The following ITK variants were observed in gnomAD, a reference collection of about 807,000 sequenced individuals.
ITK encodes IL2 inducible T cell kinase, also known as tyrosine-protein kinase ITK/TSK.
In ITK, 45 loss-of-function variants were observed where a neutral mutation model predicts 87.6. The ratio of observed to expected loss-of-function variants is 0.51; its 90% CI spans 0.40 to 0.66. The LOEUF is 0.66. Among genes scored for constraint, ITK ranks in the 30% least tolerant of loss-of-function variants. ITK has a pLI of 0.00. For synonymous variants in ITK, 303 were observed against 273.6 expected (o/e 1.11, Z -1.06); for missense variants, 605 against 766.3 (o/e 0.79, Z 2.48).
Position 157,186,475 on chromosome 5 carries a change from G to A in ITK, c.138+5360G>A, listed in dbSNP as rs112383665. On this transcript the variant is annotated intron_variant, in intron 1 of 16. Transcript: ENST00000422843. ...GGATCACCTGAGGGCAGGAGTTCAC[G>A]AGCAGCCTGGCTAATATGGTAAAAC... Among the ~76,000 whole-genome samples the A allele has an allele frequency of 9.4e-4, 143 of 152,034 alleles. 2 individuals are homozygous for A. The highest frequency in any genetic ancestry group is 3.4e-3 in the African/African-American group (139 of 41,468).
At chr5:157,207,441 T>C (rs1477343469) in intron 1 of ITK, among the ~76,000 whole-genome samples, 1 of 127,532 alleles carries the variant, frequency 7.8e-6, no homozygotes, top group Non-Finnish European at 1.6e-5. Context: ...AGTGCAATGG[T>C]GCGGTCTCCA....
Position 157,245,766 on chromosome 5 carries a change from A to G in ITK, c.1490A>G (p.Lys497Arg). 1 of 1,614,190 alleles carries G rather than the reference A, an allele frequency of 6.2e-7. No individual in the cohort carries two copies. Among genetic ancestry groups the G allele is most frequent in the Non-Finnish European group, 8.5e-7 (1 of 1,180,026 alleles). The change falls in exon 14 of 17, where the codon AAG becomes AGG. Residue 497 changes from lysine (K) to arginine (R), a missense_variant. Physicochemically the swap from Lys to Arg is conservative, Grantham distance 26 (BLOSUM62 2). This residue lies in a region of ITK where 70 missense variants were observed against 122.5 expected (regional missense o/e 0.57). Transcript: ENST00000422843. ...NCLVGENQVI[K>R]VSDFGMTRFV... Reference sequence around the variant, plus strand: ...TTGGTGGGAGAAAACCAAGTCATCAAGGTGTCTGACTTTGGGATGACAAGG... The same window carrying G: ...TTGGTGGGAGAAAACCAAGTCATCAGGGTGTCTGACTTTGGGATGACAAGG...
At chr5:157,216,675 A>T (rs139313164) in intron 4 of ITK, among the ~76,000 whole-genome samples, 1 of 152,152 alleles carries the variant, frequency 6.6e-6, no homozygotes, top group Non-Finnish European at 1.5e-5. Context: ...ACGAAGAAAG[A>T]GAGACCAGTC....
At chr5:157,248,809 G>A (rs771193163) in intron 15 of ITK, 41 bp from the exon 16 acceptor site, 95 of 1,613,096 alleles carry the variant, frequency 5.9e-5, no homozygotes, top group Non-Finnish European at 7.4e-5. Flanking sequence ...GCTGTCTGTG[G>A]GCTTTGTCAT....
At chr5:157,231,228 C>T (rs942321816) in intron 7 of ITK, among the ~76,000 whole-genome samples, 3 of 152,172 alleles carry the variant, frequency 2.0e-5, no homozygotes, top group Admixed American at 1.3e-4. Context: ...AATGAATGCT[C>T]AGACAAGATG....
chr5:157,182,307 T>C (rs1753549792), intron 1 of ITK, among the ~76,000 whole-genome samples: 1 of 152,176 alleles, frequency 6.6e-6, no homozygotes, highest in Admixed American at 6.5e-5. Context: ...GATTCTTTGG[T>C]GTGCCAGGGT....
chr5:157,215,186 G>A (rs1187806644), intron 4 of ITK, among the ~76,000 whole-genome samples: 1 of 152,194 alleles, frequency 6.6e-6, no homozygotes, highest in Non-Finnish European at 1.5e-5. Context: ...GAAGTGCTCT[G>A]CAAATCCATT....
chr5:157,240,329 G>T, intron 10 of ITK, 134 bp downstream of exon 10: 2 of 815,892 alleles, frequency 2.5e-6, no homozygotes, highest in Non-Finnish European at 4.2e-6. Context: ...AAGCCCTATT[G>T]TGAACAGCAC....
intron 6 of ITK, among the ~76,000 whole-genome samples, chr5:157,223,590 A>C (rs25778): frequency 6.6e-6 from 1 of 151,860 alleles, no homozygotes; most frequent in Non-Finnish European, 1.5e-5. Context: ...AAAAAATACC[A>C]AGCATGAGAT....
intron 6 of ITK, among the ~76,000 whole-genome samples, chr5:157,226,684 T>G (rs1754537831): frequency 6.6e-6 from 1 of 152,246 alleles, no homozygotes; most frequent in African/African-American, 2.4e-5. Context: ...CTGAACTGAT[T>G]ACACATTTCC....
intron 16 of ITK, among the ~76,000 whole-genome samples, chr5:157,250,311 T>C (rs1000331834): frequency 8.5e-5 from 13 of 152,230 alleles, no homozygotes; most frequent in African/African-American, 2.4e-4. Context: ...ATTGGCATCA[T>C]ACAGCATGTA....
At chr5:157,205,975 C>CTTTT (rs36004184) in intron 1 of ITK, among the ~76,000 whole-genome samples, 3 of 111,462 alleles carry the variant, frequency 2.7e-5, no homozygotes, top group Admixed American at 9.8e-5. Context: ...AAGGATTAGC[C>CTTTT]TTTTTTTTTT....
chr5:157,234,170 G>A (rs183376753), intron 8 of ITK, among the ~76,000 whole-genome samples: 5 of 150,936 alleles, frequency 3.3e-5, no homozygotes, highest in African/African-American at 9.7e-5. Flanking sequence ...TACTAGAGAC[G>A]GGGTGTCGCC....
intron 14 of ITK, 35 bp downstream of exon 14, chr5:157,245,825 G>A (rs1450278793): frequency 1.9e-6 from 3 of 1,608,210 alleles, no homozygotes; most frequent in African/African-American, 1.3e-5. Flanking sequence ...GAAGTCTCAG[G>A]AATGGGACTG....
chr5:157,234,349 C>T (rs898535199), intron 8 of ITK, among the ~76,000 whole-genome samples: 2 of 152,098 alleles, frequency 1.3e-5, no homozygotes, highest in African/African-American at 4.8e-5. Context: ...TGAGGGCAAA[C>T]ATCAATGGGT....
intron 7 of ITK, among the ~76,000 whole-genome samples, chr5:157,228,571 C>A (rs1342372840): frequency 6.6e-6 from 1 of 151,832 alleles, no homozygotes; most frequent in African/African-American, 2.4e-5. Flanking sequence ...AGGGATAGAA[C>A]AAAAAGGAAC....
At chr5:157,224,702 A>G in intron 6 of ITK, among the ~76,000 whole-genome samples, 1 of 152,076 alleles carries the variant, frequency 6.6e-6, no homozygotes, top group Non-Finnish European at 1.5e-5. Context: ...AATCGCTTGA[A>G]CCTGGGAGGT....
At chr5:157,234,410 G>A (rs1348589104) in intron 8 of ITK, among the ~76,000 whole-genome samples, 1 of 152,118 alleles carries the variant, frequency 6.6e-6, no homozygotes, top group African/African-American at 2.4e-5. Context: ...ACATTTTCTT[G>A]CTATTTTTCA....
At chr5:157,200,222 A>G (rs1753937520) in intron 1 of ITK, among the ~76,000 whole-genome samples, 2 of 152,330 alleles carry the variant, frequency 1.3e-5, no homozygotes, top group South Asian at 4.1e-4. Flanking sequence ...TGTGTCTGAC[A>G]CGTGTCAGAT....
Sources: gnomAD v4.1 joint callset for allele counts (sites outside exome capture counted in the v4.1 genomes callset) on GRCh38, gnomAD v4.1.1 for gene constraint, gnomAD v4.1.1 regional missense constraint, MANE v1.5 for transcripts, NCBI Gene and HGNC (gene_info 2026-07-23, HGNC 2026-07-21) for gene names.